CFAP299: variants seen among roughly 807,000 people sequenced by gnomAD.
CFAP299 encodes cilia and flagella associated protein 299.
CFAP299 carries 21 observed loss-of-function variants against 27.0 expected under a neutral mutation model. That is an observed-to-expected ratio of 0.78 (90% CI 0.55 to 1.12). CFAP299 has a LOEUF of 1.12. Ranked by LOEUF, CFAP299 falls within the 50% of genes most tolerant of loss-of-function variation. The pLI is 0.00. For missense variants in CFAP299, 310 were observed against 276.6 expected, an observed-to-expected ratio of 1.12 and a Z score of -0.86; for synonymous variants, 104 against 98.1, an observed-to-expected ratio of 1.06 and a Z score of -0.36.
At chr4:80,722,353 GT>G (rs1722873040) in intron 3 of CFAP299, among the ~76,000 whole-genome samples, 1 of 151,248 alleles carries the variant, frequency 6.6e-6, no homozygotes, top group African/African-American at 2.4e-5. Context: ...GGAGGCGGAG[GT>G]TGCAGTGAGC....
chr4:80,372,911 T>G (rs1724216438), intron 2 of CFAP299, among the ~76,000 whole-genome samples: 2 of 152,206 alleles, frequency 1.3e-5, no homozygotes, highest in South Asian at 4.1e-4. Flanking sequence ...AAGAACTTAT[T>G]CACGAAATCA....
chr4:80,492,503 A>G (rs981982633), intron 2 of CFAP299, among the ~76,000 whole-genome samples: 1 of 152,100 alleles, frequency 6.6e-6, no homozygotes, highest in Non-Finnish European at 1.5e-5. Flanking sequence ...ACAGGAGTTT[A>G]AAAGCAGAGT....
chr4:80,387,071 G>A (rs1295382965), intron 2 of CFAP299: 28 of 1,431,824 alleles, frequency 2.0e-5, no homozygotes, highest in Non-Finnish European at 2.7e-5. Flanking sequence ...AGGGGAAGTT[G>A]TGAGTGGCGG....
chr4:80,659,156 T>A (rs1740706406), intron 3 of CFAP299, among the ~76,000 whole-genome samples: 1 of 152,108 alleles, frequency 6.6e-6, no homozygotes, highest in Non-Finnish European at 1.5e-5. Flanking sequence ...TATGCTATAT[T>A]AATACTGGGC....
intron 3 of CFAP299, among the ~76,000 whole-genome samples, chr4:80,800,004 TATA>T (rs1232236727): frequency 1.3e-4 from 8 of 60,370 alleles, no homozygotes; most frequent in South Asian, 1.1e-3. Context: ...TATTATGATA[TATA>T]ATAAGTAATA....
intron 3 of CFAP299, among the ~76,000 whole-genome samples, chr4:80,766,584 C>T (rs1725875671): frequency 6.6e-6 from 1 of 152,124 alleles, no homozygotes; most frequent in African/African-American, 2.4e-5. Flanking sequence ...TCTTCTTTTA[C>T]AGAGAATGAC....
At chr4:80,695,298 G>A (rs1721016016) in intron 3 of CFAP299, among the ~76,000 whole-genome samples, 4 of 152,150 alleles carry the variant, frequency 2.6e-5, no homozygotes, top group Admixed American at 2.6e-4. Flanking sequence ...AAAGCCTAGT[G>A]ATTATTTATG....
At chr4:80,885,581 T>C (rs1269577264) in intron 4 of CFAP299, among the ~76,000 whole-genome samples, 7 of 152,024 alleles carry the variant, frequency 4.6e-5, no homozygotes, top group Non-Finnish European at 1.0e-4. Flanking sequence ...CATTCCAGGT[T>C]CTACCTCCTA....
chr4:80,574,047 G>A (rs1023779558), intron 2 of CFAP299, among the ~76,000 whole-genome samples: 1 of 151,966 alleles, frequency 6.6e-6, no homozygotes, highest in Admixed American at 6.6e-5. Flanking sequence ...ATTTCTTTGG[G>A]TAATGTGAAC....
At chr4:80,617,692 T>C (rs913282921) in intron 3 of CFAP299, among the ~76,000 whole-genome samples, 1 of 152,162 alleles carries the variant, frequency 6.6e-6, no homozygotes, top group Admixed American at 6.6e-5. Context: ...GTGCCCATCA[T>C]AATGATAACC....
At chr4:80,404,724 G>C (rs1387244975) in intron 2 of CFAP299, among the ~76,000 whole-genome samples, 1 of 152,198 alleles carries the variant, frequency 6.6e-6, no homozygotes, top group East Asian at 1.9e-4. Flanking sequence ...TGGCCTTTGT[G>C]AATGATGCTA....
At chr4:80,440,624 A>G (rs1728313658) in intron 2 of CFAP299, among the ~76,000 whole-genome samples, 2 of 152,246 alleles carry the variant, frequency 1.3e-5, no homozygotes, top group African/African-American at 4.8e-5. Context: ...AAATGCTGAA[A>G]ATTCCAAAAA....
chr4:80,512,967 A>C (rs1732392845), intron 2 of CFAP299, among the ~76,000 whole-genome samples: 1 of 152,172 alleles, frequency 6.6e-6, no homozygotes, highest in Non-Finnish European at 1.5e-5. Flanking sequence ...CATAGAATAA[A>C]ATGCAGATCA....
intron 2 of CFAP299, among the ~76,000 whole-genome samples, chr4:80,403,248 C>A (rs912563404): frequency 6.6e-6 from 1 of 152,136 alleles, no homozygotes; most frequent in Admixed American, 6.5e-5. Flanking sequence ...TGGAGAAGCT[C>A]ACAACAATAA....
At chr4:80,350,155 T>C (rs960531020) in intron 1 of CFAP299, among the ~76,000 whole-genome samples, 2 of 151,774 alleles carry the variant, frequency 1.3e-5, no homozygotes, top group African/African-American at 2.4e-5. Context: ...TTAAATGGAG[T>C]CCAAAATGAA....
At chr4:80,819,631 G>A (rs1316310231) in intron 3 of CFAP299, among the ~76,000 whole-genome samples, 1 of 152,074 alleles carries the variant, frequency 6.6e-6, no homozygotes, top group Non-Finnish European at 1.5e-5. Context: ...ATTCACTTAG[G>A]CTAAAATAAC....
chr4:80,773,711 C>A (rs1726356730), intron 3 of CFAP299, among the ~76,000 whole-genome samples: 1 of 151,888 alleles, frequency 6.6e-6, no homozygotes, highest in African/African-American at 2.4e-5. Context: ...TTTGGTCAAT[C>A]CATTTCACTT....
intron 2 of CFAP299, among the ~76,000 whole-genome samples, chr4:80,524,926 G>T (rs1733097304): frequency 1.3e-5 from 2 of 152,036 alleles, no homozygotes; most frequent in African/African-American, 2.4e-5. Context: ...GATTGAGTGG[G>T]GAAGAATCTA....
At chr4:80,935,902 C>G (rs1359604352) in intron 4 of CFAP299, among the ~76,000 whole-genome samples, 1 of 151,984 alleles carries the variant, frequency 6.6e-6, no homozygotes. Flanking sequence ...GGGTAAAGTA[C>G]ATGAACAGAG....
Sources: allele counts gnomAD v4.1 joint callset (sites outside exome capture counted in the v4.1 genomes callset), GRCh38; gene constraint gnomAD v4.1.1; transcripts MANE v1.5; gene names NCBI Gene and HGNC (gene_info 2026-07-23, HGNC 2026-07-21).